BIRC6: variants seen among roughly 807,000 people sequenced by gnomAD.
BIRC6 encodes dual E2 ubiquitin-conjugating enzyme/E3 ubiquitin-protein ligase BIRC6.
A neutral mutation model predicts 503.3 loss-of-function variants in BIRC6; 98 were observed. That is an observed-to-expected ratio of 0.19 (90% CI 0.17 to 0.23). BIRC6 has a LOEUF of 0.23. Among genes scored for constraint, BIRC6 ranks in the 10% least tolerant of loss-of-function variants. The pLI is 1.00. For missense variants in BIRC6, 5,360 were observed against 5,806.0 expected (o/e 0.92, Z 2.50); for synonymous variants, 2,240 against 2,078.7 (o/e 1.08, Z -2.11).
intron 32 of BIRC6, 79 bp downstream of exon 32, chr2:32,471,203 G>T: frequency 6.6e-7 from 1 of 1,521,698 alleles, no homozygotes; most frequent in South Asian, 1.2e-5. Flanking sequence ...TGACTTCGCA[G>T]TTGTTCCAGA....
At chr2:32,371,853 T>C (rs2036013709) in intron 1 of BIRC6, among the ~76,000 whole-genome samples, 1 of 152,164 alleles carries the variant, frequency 6.6e-6, no homozygotes, top group African/African-American at 2.4e-5. Context: ...TCACCCAGGC[T>C]AGAGTGCAAT....
At chr2:32,537,510 A>T (rs184543267) in intron 61 of BIRC6, among the ~76,000 whole-genome samples, 1 of 152,280 alleles carries the variant, frequency 6.6e-6, no homozygotes, top group East Asian at 1.9e-4. Context: ...TAAGCAAAAA[A>T]ATCTGTCATC....
At chr2:32,611,048 G>A (rs1352359565) in intron 72 of BIRC6, among the ~76,000 whole-genome samples, 1 of 151,286 alleles carries the variant, frequency 6.6e-6, no homozygotes, top group Non-Finnish European at 1.5e-5. Context: ...ATTTCAACAC[G>A]TCATATCAAA....
chr2:32,595,174 T>C, intron 68 of BIRC6, 30 bp downstream of exon 68: 1 of 1,392,566 alleles, frequency 7.2e-7, no homozygotes, highest in Non-Finnish European at 9.9e-7. Flanking sequence ...TTGCTTAAGA[T>C]CTCACTTTCC....
At chr2:32,592,558 T>TTGTA (rs1247188254) in intron 66 of BIRC6, among the ~76,000 whole-genome samples, 2 of 152,158 alleles carry the variant, frequency 1.3e-5, no homozygotes, top group African/African-American at 4.8e-5. Flanking sequence ...AAAGGTTCAT[T>TTGTA]TGTATGTAGA....
At chr2:32,394,867 A>G (rs2039682947) in intron 5 of BIRC6, among the ~76,000 whole-genome samples, 2 of 152,072 alleles carry the variant, frequency 1.3e-5, no homozygotes, top group South Asian at 2.1e-4. Context: ...AAAAACAACA[A>G]GAGGCTGGGT....
chr2:32,579,594 T>C (rs1174906411), intron 66 of BIRC6, among the ~76,000 whole-genome samples: 1 of 151,930 alleles, frequency 6.6e-6, no homozygotes, highest in Non-Finnish European at 1.5e-5. Flanking sequence ...GAGGTTGAGG[T>C]GGGAGGATCG....
intron 65 of BIRC6, among the ~76,000 whole-genome samples, chr2:32,572,832 A>G (rs1461795483): frequency 6.6e-6 from 1 of 152,174 alleles, no homozygotes; most frequent in Non-Finnish European, 1.5e-5. Context: ...CATCACTTTG[A>G]ACGTCACTCC....
intron 62 of BIRC6, among the ~76,000 whole-genome samples, chr2:32,545,032 T>A (rs1340312795): frequency 6.6e-6 from 1 of 152,066 alleles, no homozygotes; most frequent in Non-Finnish European, 1.5e-5. Flanking sequence ...TTAAAGTAGG[T>A]GTAACCCTAA....
intron 3 of BIRC6, among the ~76,000 whole-genome samples, chr2:32,386,176 A>T (rs1254097857): frequency 6.6e-6 from 1 of 152,156 alleles, no homozygotes; most frequent in Non-Finnish European, 1.5e-5. Context: ...AAGATTTATT[A>T]TTGTTCCTGC....
intron 3 of BIRC6, among the ~76,000 whole-genome samples, chr2:32,385,808 A>G (rs1174513733): frequency 6.6e-6 from 1 of 152,184 alleles, no homozygotes; most frequent in Non-Finnish European, 1.5e-5. Context: ...CACACATTCA[A>G]GTATGCTAAA....
chr2:32,429,778 C>CA (rs1301061419), intron 11 of BIRC6, among the ~76,000 whole-genome samples: 1 of 152,078 alleles, frequency 6.6e-6, no homozygotes, highest in Non-Finnish European at 1.5e-5. Context: ...TACTCCCTGC[C>CA]AAAAAATCAT....
rs1055519671 is a variant in BIRC6 at position 32,510,578 on chromosome 2, T to C, written c.10290T>C (p.Ser3430=). The part of the protein sequence containing the change: ...FGRLNGLSSD[S]TIDILYQLGT... ...GACTAAATGGACTCTCTTCTGACTC[T>C]ACGATAGATATTCTTTACCAGCTTG... is the stretch of plus-strand genomic sequence containing the variant. The change falls in exon 53 of 74, where the codon TCT becomes TCC. Residue 3430 remains serine, a synonymous_variant. Coordinates refer to ENST00000421745, the MANE Select transcript of BIRC6 (RefSeq NM_016252.4). 6 of 1,610,374 alleles carry C rather than the reference T, an allele frequency of 3.7e-6. No homozygotes were observed. The highest frequency in any genetic ancestry group is 5.1e-6 in the Non-Finnish European group (6 of 1,176,790).
intron 45 of BIRC6, among the ~76,000 whole-genome samples, chr2:32,497,386 A>T (rs1254305562): frequency 6.6e-6 from 1 of 152,234 alleles, no homozygotes; most frequent in African/African-American, 2.4e-5. Flanking sequence ...AGTCCATTTT[A>T]TAACTTGCTG....
chr2:32,473,052 A>G (rs902034669), intron 32 of BIRC6, 60 bp from the exon 33 acceptor site: 5 of 1,422,926 alleles, frequency 3.5e-6, no homozygotes, highest in Non-Finnish European at 4.7e-6. Flanking sequence ...TCTGGGTAGG[A>G]AAGGTACTTT....
At chr2:32,428,314 G>A (rs78713323) in intron 10 of BIRC6, among the ~76,000 whole-genome samples, 1 of 152,168 alleles carries the variant, frequency 6.6e-6, no homozygotes, top group African/African-American at 2.4e-5. Context: ...ATGTAATTCT[G>A]TGTTAAATCC....
intron 66 of BIRC6, 35 bp from the exon 67 acceptor site, chr2:32,593,880 T>G (rs752264691): frequency 3.8e-6 from 6 of 1,580,168 alleles, no homozygotes; most frequent in Non-Finnish European, 5.2e-6. Flanking sequence ...AATCTTAATT[T>G]TCCTTGCTTT....
chr2:32,473,214 G>C lies in BIRC6; in HGVS notation c.6695G>C (p.Arg2232Thr), dbSNP rs767628007. The C allele has an allele frequency of 6.5e-7, 1 of 1,548,456 alleles. No homozygotes were observed. The highest frequency in any genetic ancestry group is 8.7e-7 in the Non-Finnish European group (1 of 1,145,228). ...GATAGATTATATTCCAGAAAAATCAGAAAGCAGCTTGTTCATCATAAACAG... is the reference window on the plus strand; with the variant it reads ...GATAGATTATATTCCAGAAAAATCACAAAGCAGCTTGTTCATCATAAACAG... ...SLDRLYSRKI[R>T]KQLVHHKQQL... Residue 2232 changes from arginine (R) to threonine (T), a missense_variant, in exon 33 of 74, where the codon AGA (arginine) becomes ACA (threonine). By Grantham distance (71) the Arg-to-Thr change is moderately conservative. Around this residue, in one of 16 missense-constraint regions of BIRC6, gnomAD observed 2,299 missense variants for 2,267.2 expected, o/e 1.01. Coordinates refer to ENST00000421745, the MANE Select transcript of BIRC6 (RefSeq NM_016252.4).
At chr2:32,443,418 C>A in intron 19 of BIRC6, 73 bp from the exon 20 acceptor site, 2 of 1,002,216 alleles carry the variant, frequency 2.0e-6, no homozygotes, top group Non-Finnish European at 2.9e-6. Context: ...TTTTTAGGTA[C>A]CACACCAGGT....
Sources: allele counts gnomAD v4.1 joint callset (sites outside exome capture counted in the v4.1 genomes callset), GRCh38; gene constraint gnomAD v4.1.1; regional missense constraint gnomAD v4.1.1; transcripts MANE v1.5; gene names NCBI Gene and HGNC (gene_info 2026-07-23, HGNC 2026-07-21).